TRAP1: variants seen among roughly 807,000 people sequenced by gnomAD.
TRAP1 encodes the protein heat shock protein 75 kDa, mitochondrial.
In TRAP1, 102 loss-of-function variants were observed where a neutral mutation model predicts 89.1. The ratio of observed to expected loss-of-function variants is 1.15; its 90% CI spans 0.98 to 1.35. The LOEUF is 1.35. TRAP1 is among the 40% of genes most tolerant of loss of function. TRAP1 has a pLI of 0.00. For missense variants in TRAP1, 1,256 were observed against 945.3 expected (o/e 1.33, Z -4.31); for synonymous variants, 508 against 388.0 (o/e 1.31, Z -3.64).
At chr16:3,688,344 A>C (rs1201811032) in intron 3 of TRAP1, among the ~76,000 whole-genome samples, 2 of 151,942 alleles carry the variant, frequency 1.3e-5, no homozygotes, top group Non-Finnish European at 2.9e-5. Context: ...CCTGCTCCAT[A>C]CACACAGGAC....
intron 11 of TRAP1, among the ~76,000 whole-genome samples, chr16:3,670,953 C>T (rs1166661240): frequency 1.3e-5 from 2 of 152,124 alleles, no homozygotes; most frequent in East Asian, 3.9e-4. Context: ...ATGCCCACAG[C>T]GCAGCCCCAA....
chr16:3,710,900 T>A, intron 1 of TRAP1, among the ~76,000 whole-genome samples: 1 of 143,128 alleles, frequency 7.0e-6, no homozygotes, highest in South Asian at 2.1e-4. Context: ...TGAGACACTG[T>A]CACTCTGTCA....
At chr16:3,658,710 G>A (rs2042876255) in intron 17 of TRAP1, 83 bp downstream of exon 17, 2 of 1,306,684 alleles carry the variant, frequency 1.5e-6, no homozygotes, top group South Asian at 2.6e-5. Context: ...GGATTTTAGA[G>A]GAAACCGCTG....
At chr16:3,677,965 T>G in intron 5 of TRAP1, 1 of 307,450 alleles carries the variant, frequency 3.3e-6, no homozygotes, top group East Asian at 7.9e-5. Context: ...AAAGAGCAGC[T>G]TGAATAAGCT....
Position 3,686,264 on chromosome 16 carries a change from G to C in TRAP1, c.331-128C>G, listed in dbSNP as rs2051137565. ...ATAGTCAATTCTCAAAGCATAAAGA[G>C]TTTCTGCTTTAGTCAAAGGCAGTTC... On this transcript the variant is annotated intron_variant, in intron 3 of 17. Transcript: ENST00000246957. 9.6e-6 allele frequency: 11 copies of C among 1,145,952 alleles called. No individual in the cohort carries two copies. In the East Asian group the frequency reaches 1.0e-4, roughly 11 times the overall value. The allele number at this position is 1,145,952 out of a possible 1,614,324, so 71.0% of individuals were successfully genotyped here.
intron 7 of TRAP1, among the ~76,000 whole-genome samples, chr16:3,675,788 G>C (rs2050982934): frequency 6.6e-6 from 1 of 152,238 alleles, no homozygotes; most frequent in South Asian, 2.1e-4. Flanking sequence ...TAAAGGCCAA[G>C]GGCCACGCAG....
At chr16:3,704,909 A>G (rs908065755) in intron 1 of TRAP1, among the ~76,000 whole-genome samples, 2 of 152,010 alleles carry the variant, frequency 1.3e-5, no homozygotes, top group African/African-American at 4.8e-5. Context: ...CAGATGGACC[A>G]TAGAAGTAAA....
rs1191518768 is a variant in TRAP1, at chr16:3,662,014, A to C, written c.1913T>G (p.Leu638Arg). Reference sequence around the variant, plus strand: ...GGGGTTGATCTCCAGCGTGGGCTGCAGGAGCTGTGCGCGCTCCTCCTGGGT... The same window carrying C: ...GGGGTTGATCTCCAGCGTGGGCTGCCGGAGCTGTGCGCGCTCCTCCTGGGT... ...AKTQEERAQL[L>R]QPTLEINPRH... Residue 638 changes from leucine (L) to arginine (R), a missense_variant, in exon 16 of 18, where the codon CTG (leucine) becomes CGG (arginine). Transcript: ENST00000246957. The C allele has an allele frequency of 6.2e-7, 1 of 1,611,338 alleles. No homozygotes were observed. The highest frequency in any genetic ancestry group is 8.5e-7 in the Non-Finnish European group (1 of 1,178,972).
At chr16:3,677,351 T>G in intron 6 of TRAP1, 147 bp downstream of exon 6, 1 of 1,121,184 alleles carries the variant, frequency 8.9e-7, no homozygotes, top group Non-Finnish European at 1.3e-6. Flanking sequence ...CAAAAGTCAC[T>G]AACTCCCCAA....
At chr16:3,692,491 G>A (rs1263959540) in intron 1 of TRAP1, among the ~76,000 whole-genome samples, 5 of 150,186 alleles carry the variant, frequency 3.3e-5, no homozygotes, top group African/African-American at 4.9e-5. Context: ...AGCCGAGATC[G>A]TGCCGCTGCA....
chr16:3,667,865 T>A (rs2050858115), intron 11 of TRAP1, among the ~76,000 whole-genome samples: 1 of 149,886 alleles, frequency 6.7e-6, no homozygotes, highest in Admixed American at 6.7e-5. Flanking sequence ...TTCAAGCAAT[T>A]CTCCTGCCTC....
intron 1 of TRAP1, among the ~76,000 whole-genome samples, chr16:3,707,197 T>G (rs2051459354): frequency 6.7e-6 from 1 of 149,872 alleles, no homozygotes; most frequent in South Asian, 2.1e-4. Flanking sequence ...TTTTTTTTTT[T>G]TTTTTTGAGG....
rs1337502705 is a variant in TRAP1, at chr16:3,692,717, G to A, written c.89-1732C>T. Among the ~76,000 whole-genome samples, 3 of 146,824 alleles carry A rather than the reference G, an allele frequency of 2.0e-5. No homozygotes were observed. The South Asian group carries it at 6.7e-4, about 33-fold the overall frequency. ...GGGTTCAAGCGATTCTCCTGCCTCA[G>A]CCTCCCGAGTAGCTGGGTTTACAGG... On this transcript the variant is annotated intron_variant, in intron 1 of 17. Coordinates refer to ENST00000246957, the MANE Select transcript of TRAP1 (RefSeq NM_016292.3).
At position 3,702,194 on chromosome 16, in the gene TRAP1, A is replaced by C. The variant is rs545295373; in HGVS notation, c.89-11209T>G. 4.7e-5 allele frequency among the ~76,000 whole-genome samples: 7 copies of C among 150,276 alleles called. No individual in the cohort carries two copies. The South Asian group carries it at 1.5e-3, about 31-fold the overall frequency. ...CTGCTGTCGATGTTGAGGTCACTTG[A>C]AAGCTGGTATGGACACATCGGATGA... is the stretch of plus-strand genomic sequence containing the variant. On this transcript the variant is annotated intron_variant, in intron 1 of 17. Coordinates refer to ENST00000246957, the MANE Select transcript of TRAP1 (RefSeq NM_016292.3).
intron 17 of TRAP1, 143 bp from the exon 18 acceptor site, chr16:3,658,373 G>A (rs910649679): frequency 2.8e-5 from 19 of 675,114 alleles, no homozygotes; most frequent in Admixed American, 1.1e-4. Flanking sequence ...TGATCCCCCC[G>A]CCTCCCAAAG....
intron 16 of TRAP1, chr16:3,659,695 G>C (rs1228446042): frequency 6.6e-6 from 1 of 152,070 alleles, no homozygotes; most frequent in East Asian, 1.9e-4. Flanking sequence ...TGGATGATAT[G>C]CTGAGACTCA....
At chr16:3,705,160 G>T (rs2051423591) in intron 1 of TRAP1, among the ~76,000 whole-genome samples, 1 of 152,114 alleles carries the variant, frequency 6.6e-6, no homozygotes, top group Non-Finnish European at 1.5e-5. Flanking sequence ...TGCGTCCTGG[G>T]TTCATGCCAT....
At chr16:3,699,989 T>G (rs1004878365) in intron 1 of TRAP1, among the ~76,000 whole-genome samples, 2 of 152,054 alleles carry the variant, frequency 1.3e-5, no homozygotes, top group African/African-American at 4.8e-5. Flanking sequence ...GCTGCTCATT[T>G]GAAACTGCTG....
At chr16:3,692,595 CTTT>C (rs202237111) in intron 1 of TRAP1, among the ~76,000 whole-genome samples, 7 of 105,192 alleles carry the variant, frequency 6.7e-5, no homozygotes, top group South Asian at 3.2e-4. Context: ...AAAAACTTGC[CTTT>C]TTTTTTTTTT....
Sources: gnomAD v4.1 joint callset for allele counts (sites outside exome capture counted in the v4.1 genomes callset) on GRCh38, gnomAD v4.1.1 for gene constraint, MANE v1.5 for transcripts, NCBI Gene and HGNC (gene_info 2026-07-23, HGNC 2026-07-21) for gene names.